The following TUSC3 variants were observed in gnomAD, a reference collection of about 807,000 sequenced individuals.
The protein encoded by TUSC3 is tumor suppressor candidate 3.
In TUSC3, 45 loss-of-function variants were observed where a neutral mutation model predicts 44.8. The observed-to-expected ratio is 1.00, with a 90% CI of 0.79 to 1.29. TUSC3 has a LOEUF of 1.29. Among genes scored for constraint, TUSC3 ranks in the 50% most tolerant of loss-of-function variants. TUSC3 has a pLI of 0.00. For synonymous variants in TUSC3, 212 were observed against 152.9 expected (o/e 1.39, Z -2.85); for missense variants, 519 against 437.9 (o/e 1.19, Z -1.65).
chr8:15,598,579 T>A (rs1804158991), intron 1 of TUSC3, among the ~76,000 whole-genome samples: 1 of 28,054 alleles, frequency 3.6e-5, no homozygotes, highest in Non-Finnish European at 8.6e-5. Context: ...GATAATGCCC[T>A]AAAACTCGTC....
At chr8:15,487,384 A>G (rs1393442600) in intron 2 of TUSC3, among the ~76,000 whole-genome samples, 1 of 152,086 alleles carries the variant, frequency 6.6e-6, no homozygotes, top group Non-Finnish European at 1.5e-5. Context: ...ATACCTGATT[A>G]TTTTCTGCCT....
intron 6 of TUSC3, among the ~76,000 whole-genome samples, chr8:15,678,095 CTA>C (rs1161208871): frequency 1.3e-5 from 2 of 152,160 alleles, no homozygotes; most frequent in Non-Finnish European, 2.9e-5. Context: ...CTTATTTCTG[CTA>C]TGAGATCTCT....
chr8:15,455,685 A>T (rs1428419819), intron 1 of TUSC3, among the ~76,000 whole-genome samples: 1 of 152,192 alleles, frequency 6.6e-6, no homozygotes, highest in African/African-American at 2.4e-5. Context: ...AGAAAATTAC[A>T]TCAGTTTAGG....
At chr8:15,774,469 A>G in the TUSC3 span, among the ~76,000 whole-genome samples, 1 of 152,188 alleles carries the variant, frequency 6.6e-6, no homozygotes, top group Non-Finnish European at 1.5e-5. Context: ...AGCAAGTGCC[A>G]CAGATTGCCA....
chr8:15,541,796 A>G (rs1801700967), intron 1 of TUSC3, among the ~76,000 whole-genome samples: 1 of 139,200 alleles, frequency 7.2e-6, no homozygotes. Context: ...AGAGTTTTAG[A>G]TTTAGGAGTT....
At chr8:15,694,617 T>G (rs151203663) in intron 6 of TUSC3, among the ~76,000 whole-genome samples, 4 of 152,204 alleles carry the variant, frequency 2.6e-5, no homozygotes, top group South Asian at 4.1e-4. Context: ...TGTTCTTTTA[T>G]CCGCTTTGAT....
rs555922801 is a variant in TUSC3, at chr8:15,436,989, G to T, written n.91+19684G>T. 7.9e-5 allele frequency among the ~76,000 whole-genome samples: 12 copies of T among 152,170 alleles called. No individual in the cohort carries two copies. In the East Asian group the frequency reaches 2.1e-3, roughly 27 times the overall value. On this transcript the variant is annotated intron_variant and non_coding_transcript_variant, in intron 1 of 5. Transcript: ENST00000503191. ...CGATTCTCACAATAGTACACAACTG[G>T]CTATTTAAAATTGATGCATGAACAC...
At chr8:15,420,245 C>T (rs552017938) in intron 1 of TUSC3, among the ~76,000 whole-genome samples, 1 of 152,030 alleles carries the variant, frequency 6.6e-6, no homozygotes, top group African/African-American at 2.4e-5. Context: ...GCCTGTAATC[C>T]CAGCACTTTG....
chr8:15,608,756 AT>A (rs1484487961), intron 1 of TUSC3, among the ~76,000 whole-genome samples: 1 of 152,062 alleles, frequency 6.6e-6, no homozygotes, highest in African/African-American at 2.4e-5. Context: ...CCCTTCCACC[AT>A]GATTGTAAGT....
chr8:15,539,360 T>TTTTTTTC (rs1801593991), upstream of TUSC3, among the ~76,000 whole-genome samples: 1 of 135,118 alleles, frequency 7.4e-6, no homozygotes, highest in Non-Finnish European at 1.6e-5. Flanking sequence ...TTTTTTTTTT[T>TTTTTTTC]TTTTTTTTTT....
chr8:15,841,135 A>G, the TUSC3 span, among the ~76,000 whole-genome samples: 3 of 152,048 alleles, frequency 2.0e-5, no homozygotes, highest in East Asian at 5.8e-4. Flanking sequence ...TTTATTGTTC[A>G]TATGTTCTTT....
At position 15,647,514 on chromosome 8, in the gene TUSC3, A is replaced by T. The variant is rs544739322; in HGVS notation, c.309-3183A>T. Among the ~76,000 whole-genome samples the T allele has an allele frequency of 8.5e-5, 13 of 152,220 alleles. No individual in the cohort carries two copies. The South Asian group carries it at 2.5e-3, about 29-fold the overall frequency. On this transcript the variant is annotated intron_variant, in intron 2 of 10. Coordinates refer to ENST00000503731, the MANE Select transcript of TUSC3 (RefSeq NM_006765.4). The stretch of plus-strand genomic sequence containing the variant: ...CTATTCTTTTCATCTCGAAGTCTAA[A>T]ATTCCTGTTCTAGTTTGTATTGGTT...
At chr8:15,693,441 C>T (rs369911263) in intron 6 of TUSC3, among the ~76,000 whole-genome samples, 919 of 96,788 alleles carry the variant, frequency 9.5e-3, no homozygotes, top group Middle Eastern at 0.012. Context: ...GTTGGAAGTT[C>T]TTTTTTTTTT....
chr8:15,517,878 C>T (rs990618310), intron 2 of TUSC3, among the ~76,000 whole-genome samples: 1 of 151,792 alleles, frequency 6.6e-6, no homozygotes, highest in Admixed American at 6.6e-5. Flanking sequence ...CACAAAATTT[C>T]CCTTTTAAAT....
At chr8:15,652,585 A>G (rs1415316985) in intron 3 of TUSC3, among the ~76,000 whole-genome samples, 1 of 152,200 alleles carries the variant, frequency 6.6e-6, no homozygotes, top group East Asian at 1.9e-4. Flanking sequence ...AATAGTAATA[A>G]TAGTATCATA....
chr8:15,757,822 T>A lies in TUSC3; in HGVS notation c.*13T>A, dbSNP rs761731726. On this transcript the variant is annotated 3_prime_UTR_variant, in exon 10 of 11. Transcript: ENST00000503731. ...GGACTTTGAGTGAGAAGATGTGATT[T>A]GGACCATGGCACTTAAAAACTCTAT... is the stretch of plus-strand genomic sequence containing the variant. The A allele has an allele frequency of 7.1e-7, 1 of 1,399,482 alleles. No individual in the cohort carries two copies. Among genetic ancestry groups the A allele is most frequent in the Non-Finnish European group, 1.0e-6 (1 of 984,336 alleles). The allele number at this position is 1,399,482 out of a possible 1,614,324, so 86.7% of individuals were successfully genotyped here. A position where few individuals can be genotyped will look rare whatever the true frequency, so the allele number is the denominator to read the frequency against.
At chr8:15,791,146 G>C in the TUSC3 span, among the ~76,000 whole-genome samples, 1 of 152,182 alleles carries the variant, frequency 6.6e-6, no homozygotes, top group Admixed American at 6.5e-5. Flanking sequence ...GTTTATGGCT[G>C]AATTACCTTC....
At chr8:15,562,918 T>G (rs1001254025) in intron 1 of TUSC3, among the ~76,000 whole-genome samples, 1 of 152,142 alleles carries the variant, frequency 6.6e-6, no homozygotes, top group African/African-American at 2.4e-5. Context: ...AGAGACCTTA[T>G]GTTTGCAAAT....
intron 1 of TUSC3, among the ~76,000 whole-genome samples, chr8:15,417,853 A>G (rs1044165324): frequency 8.6e-5 from 13 of 151,812 alleles, no homozygotes; most frequent in African/African-American, 2.9e-4. Context: ...TTTCTCTTTC[A>G]CTCTCAGTAT....
Sources: allele counts gnomAD v4.1 joint callset (sites outside exome capture counted in the v4.1 genomes callset), GRCh38; gene constraint gnomAD v4.1.1; transcripts MANE v1.5; gene names NCBI Gene and HGNC (gene_info 2026-07-23, HGNC 2026-07-21).